TENM4: variants seen among roughly 807,000 people sequenced by gnomAD.
TENM4 encodes teneurin-4.
A neutral mutation model predicts 243.3 loss-of-function variants in TENM4; 82 were observed. The observed-to-expected ratio is 0.34, with a 90% CI of 0.28 to 0.40. The LOEUF (loss-of-function observed/expected upper bound fraction) is 0.40. Ranked by LOEUF, TENM4 falls within the 10% of genes least tolerant of loss-of-function variation. TENM4 has a pLI of 1.00. For missense variants in TENM4, 3,138 were observed against 3,673.3 expected (o/e 0.85, Z 3.77); for synonymous variants, 1,412 against 1,456.3 (o/e 0.97, Z 0.69).
intron 1 of TENM4, among the ~76,000 whole-genome samples, chr11:79,376,803 C>T (rs1012868008): frequency 1.3e-5 from 2 of 152,168 alleles, no homozygotes; most frequent in South Asian, 4.2e-4. Flanking sequence ...AGCCCCTCCT[C>T]CTTCCTCTCC....
chr11:78,704,109 G>T (rs1445208475), intron 27 of TENM4, among the ~76,000 whole-genome samples: 3 of 145,658 alleles, frequency 2.1e-5, no homozygotes, highest in Non-Finnish European at 4.5e-5. Flanking sequence ...GTATGTGTGT[G>T]TGTCTATATA....
At chr11:79,218,938 G>T (rs1157386793) in intron 2 of TENM4, among the ~76,000 whole-genome samples, 1 of 152,166 alleles carries the variant, frequency 6.6e-6, no homozygotes, top group Non-Finnish European at 1.5e-5. Context: ...TTGCTGGATA[G>T]AATACAATAA....
chr11:79,012,867 G>A (rs1300506076), intron 6 of TENM4, among the ~76,000 whole-genome samples: 1 of 152,182 alleles, frequency 6.6e-6, no homozygotes, highest in Non-Finnish European at 1.5e-5. Flanking sequence ...ACCAGAAGGT[G>A]TGATTGTTCT....
intron 1 of TENM4, among the ~76,000 whole-genome samples, chr11:79,329,451 T>C (rs1857026400): frequency 6.6e-6 from 1 of 152,162 alleles, no homozygotes; most frequent in Non-Finnish European, 1.5e-5. Context: ...GGTGGAGAGA[T>C]GGCAAATTAA....
chr11:79,249,642 C>T (rs1039797181), intron 2 of TENM4, among the ~76,000 whole-genome samples: 3 of 152,226 alleles, frequency 2.0e-5, no homozygotes, highest in Admixed American at 1.3e-4. Context: ...AGAAATACTA[C>T]ACCAACTCCT....
chr11:79,023,285 C>T (rs974477198), intron 6 of TENM4, among the ~76,000 whole-genome samples: 6 of 152,028 alleles, frequency 3.9e-5, no homozygotes, highest in African/African-American at 7.2e-5. Context: ...ATCAGCCTGG[C>T]GTGGTGGCTC....
At chr11:79,210,288 A>G (rs1863932262) in intron 3 of TENM4, among the ~76,000 whole-genome samples, 1 of 152,194 alleles carries the variant, frequency 6.6e-6, no homozygotes, top group African/African-American at 2.4e-5. Flanking sequence ...CATGGGGTTC[A>G]CATCTTAATC....
At chr11:78,698,988 T>C (rs1407574954) in intron 28 of TENM4, among the ~76,000 whole-genome samples, 1 of 152,260 alleles carries the variant, frequency 6.6e-6, no homozygotes, top group Non-Finnish European at 1.5e-5. Flanking sequence ...TCTTCTCACC[T>C]GACCTCTGAT....
intron 2 of TENM4, among the ~76,000 whole-genome samples, chr11:79,227,076 T>C (rs1368089279): frequency 5.3e-5 from 8 of 152,178 alleles, no homozygotes; most frequent in Non-Finnish European, 1.0e-4. Context: ...TGACAGAAGA[T>C]TGGAGATGAG....
chr11:79,318,782 T>TTA (rs1856842922), intron 1 of TENM4, among the ~76,000 whole-genome samples: 1 of 152,186 alleles, frequency 6.6e-6, no homozygotes, highest in South Asian at 2.1e-4. Context: ...TAATGGCTGT[T>TTA]TAATAACTAG....
chr11:79,247,402 G>A (rs183796829), intron 2 of TENM4, among the ~76,000 whole-genome samples: 10 of 122,288 alleles, frequency 8.2e-5, no homozygotes, highest in Non-Finnish European at 1.3e-4. Context: ...GCCCAAAAGA[G>A]TGAGACTCTG....
chr11:78,795,655 T>A (rs1857146640), intron 15 of TENM4, among the ~76,000 whole-genome samples: 1 of 152,072 alleles, frequency 6.6e-6, no homozygotes, highest in Non-Finnish European at 1.5e-5. Flanking sequence ...TGTGTGTAAA[T>A]GTGCACAATG....
At chr11:78,815,317 C>T (rs1857583305) in intron 12 of TENM4, among the ~76,000 whole-genome samples, 2 of 151,844 alleles carry the variant, frequency 1.3e-5, no homozygotes, top group Non-Finnish European at 2.9e-5. Context: ...ACCTGGGAGG[C>T]GGAAGGTGCA....
chr11:78,673,248 T>A (rs926912705), intron 30 of TENM4, among the ~76,000 whole-genome samples: 4 of 152,188 alleles, frequency 2.6e-5, no homozygotes, highest in Admixed American at 2.6e-4. Flanking sequence ...GGGGCCTGTT[T>A]CTGTATTTGG....
At chr11:79,164,164 T>C (rs1260149178) in intron 3 of TENM4, among the ~76,000 whole-genome samples, 1 of 124,662 alleles carries the variant, frequency 8.0e-6, no homozygotes, top group Non-Finnish European at 1.6e-5. Flanking sequence ...ATATATAGTG[T>C]ATATATGGCA....
intron 1 of TENM4, among the ~76,000 whole-genome samples, chr11:79,437,338 C>G (rs1255835104): frequency 6.6e-6 from 1 of 152,240 alleles, no homozygotes; most frequent in African/African-American, 2.4e-5. Context: ...AGAAGGGCTC[C>G]CCCGCTGAAA....
chr11:79,361,795 T>C (rs1857594646), intron 1 of TENM4, among the ~76,000 whole-genome samples: 1 of 152,186 alleles, frequency 6.6e-6, no homozygotes, highest in African/African-American at 2.4e-5. Context: ...ACTATGTATC[T>C]GTGGGATTTC....
rs753007612 is a variant in TENM4 at position 78,701,996 on chromosome 11, T to C, written c.4617A>G (p.Pro1539=). The C allele has an allele frequency of 3.1e-6, 5 of 1,613,930 alleles. No individual in the cohort carries two copies. Among genetic ancestry groups the C allele is most frequent in the Admixed American group, 3.3e-5 (2 of 60,018 alleles). ...CATCAGCACACACAGCCAAGGAAGA[T>C]GGGGTATTTAACTTTGCATCCTTGG... is the stretch of plus-strand genomic sequence containing the variant. ...GYAKDAKLNT[P]SSLAVCADGE... Residue 1539 remains proline, a synonymous_variant, in exon 28 of 34, where the codon CCA becomes CCG. Coordinates refer to ENST00000278550, the MANE Select transcript of TENM4 (RefSeq NM_001098816.3).
chr11:78,817,300 A>G (rs76401418), intron 12 of TENM4, among the ~76,000 whole-genome samples: 2 of 152,200 alleles, frequency 1.3e-5, no homozygotes, highest in South Asian at 4.1e-4. Flanking sequence ...AACTATTTTT[A>G]AAGTTTGGAA....
Sources: gnomAD v4.1 joint callset for allele counts (sites outside exome capture counted in the v4.1 genomes callset) on GRCh38, gnomAD v4.1.1 for gene constraint, MANE v1.5 for transcripts, NCBI Gene and HGNC (gene_info 2026-07-23, HGNC 2026-07-21) for gene names.